AIG1: variants seen among roughly 807,000 people sequenced by gnomAD.
AIG1 encodes the protein androgen-induced gene 1 protein.
In AIG1, 23 loss-of-function variants were observed where a neutral mutation model predicts 31.4. The observed-to-expected ratio is 0.73, with a 90% CI of 0.53 to 1.04. AIG1 has a LOEUF of 1.04. AIG1 is among the 50% of genes least tolerant of loss of function. The probability of loss-of-function intolerance (pLI) is 0.00; values close to 1 mark genes in which losing one functional copy is unlikely to be tolerated. For missense variants in AIG1, 274 were observed against 295.0 expected, an observed-to-expected ratio of 0.93 and a Z score of 0.52; for synonymous variants, 100 against 110.5, an observed-to-expected ratio of 0.90 and a Z score of 0.60.
chr6:143,341,773 C>T (rs969872900), downstream of AIG1, among the ~76,000 whole-genome samples: 3 of 152,278 alleles, frequency 2.0e-5, no homozygotes, highest in Admixed American at 6.5e-5. Flanking sequence ...CAAATTAATA[C>T]GAACTGTGTA....
At position 143,135,279 on chromosome 6, in the gene AIG1, C is replaced by G. The variant is rs556946336; in HGVS notation, c.142-1556C>G. Among the ~76,000 whole-genome samples the G allele has an allele frequency of 6.5e-4, 99 of 152,126 alleles. 1 individual carries two copies. In the South Asian group the frequency reaches 0.019, roughly 30 times the overall value. On this transcript the variant is annotated intron_variant, in intron 1 of 5. Transcript: ENST00000357847. ...ATTATTCTCCTCTGGTAGGGTCACT[C>G]CAGTTTAATCAAACTCCATTAGGGC...
downstream of AIG1, among the ~76,000 whole-genome samples, chr6:143,343,864 A>G (rs1777904612): frequency 2.0e-5 from 3 of 152,292 alleles, no homozygotes; most frequent in South Asian, 4.1e-4. Flanking sequence ...TTTAATAAAT[A>G]AACAACAAAT....
At chr6:143,315,979 T>G (rs528391742) in intron 4 of AIG1, among the ~76,000 whole-genome samples, 1 of 152,184 alleles carries the variant, frequency 6.6e-6, no homozygotes, top group African/African-American at 2.4e-5. Flanking sequence ...AATCAGATGA[T>G]AATACATAAA....
chr6:143,130,820 C>T (rs1477137109), intron 1 of AIG1, among the ~76,000 whole-genome samples: 1 of 152,104 alleles, frequency 6.6e-6, no homozygotes, highest in Non-Finnish European at 1.5e-5. Flanking sequence ...GTTTCATCAC[C>T]CAGGTATTAG....
At chr6:143,220,794 A>G (rs1792430932) in intron 3 of AIG1, among the ~76,000 whole-genome samples, 1 of 152,222 alleles carries the variant, frequency 6.6e-6, no homozygotes, top group South Asian at 2.1e-4. Context: ...CTCAGCTGGC[A>G]GCACATTTAT....
chr6:143,184,479 A>G (rs1789039969), intron 3 of AIG1, among the ~76,000 whole-genome samples: 1 of 152,128 alleles, frequency 6.6e-6, no homozygotes, highest in African/African-American at 2.4e-5. Context: ...CCCCTCCTTT[A>G]AATCTTGTTA....
chr6:143,122,449 T>C (rs1330263451), intron 1 of AIG1, among the ~76,000 whole-genome samples: 2 of 152,186 alleles, frequency 1.3e-5, no homozygotes, highest in African/African-American at 4.8e-5. Flanking sequence ...TTAATGTAAC[T>C]CAACAGAAAA....
chr6:143,154,595 G>A (rs533047702), intron 2 of AIG1, among the ~76,000 whole-genome samples: 24 of 152,294 alleles, frequency 1.6e-4, no homozygotes, highest in African/African-American at 2.2e-4. Context: ...GCAGGCAGTC[G>A]TGATACAAAT....
At position 143,330,118 on chromosome 6, in the gene AIG1, A is replaced by G. The variant is rs1440460751; in HGVS notation, c.516-3164A>G. ...ATTCCTTCATTAGATTATTAATTCA[A>G]CAAATAGTTATTGAGTGCATACTCT... On this transcript the variant is annotated intron_variant, in intron 4 of 5. Coordinates refer to ENST00000357847, the MANE Select transcript of AIG1 (RefSeq NM_016108.4). The surrounding 1 kb of genome is among the most constrained non-coding windows in gnomAD (Gnocchi z 4.4). Among the ~76,000 whole-genome samples the G allele has an allele frequency of 6.6e-6, 1 of 152,216 alleles. No individual in the cohort carries two copies. The highest frequency in any genetic ancestry group is 1.5e-5 in the Non-Finnish European group (1 of 68,038).
intron 3 of AIG1, among the ~76,000 whole-genome samples, chr6:143,204,308 G>A (rs1790935493): frequency 6.6e-6 from 1 of 152,118 alleles, no homozygotes; most frequent in South Asian, 2.1e-4. Flanking sequence ...TGCCCTTGGT[G>A]GGAATGGCTG....
intron 3 of AIG1, chr6:143,189,899 A>C: frequency 1.2e-6 from 1 of 861,228 alleles, no homozygotes. Context: ...TATTTATCAT[A>C]GTTCTAGAGC....
intron 1 of AIG1, among the ~76,000 whole-genome samples, chr6:143,110,592 A>G: frequency 6.6e-6 from 1 of 152,154 alleles, no homozygotes; most frequent in East Asian, 1.9e-4. Context: ...TAAAAGCAAA[A>G]TCTTCCTTTA....
intron 1 of AIG1, among the ~76,000 whole-genome samples, chr6:143,122,342 T>G (rs1477520928): frequency 6.6e-6 from 1 of 152,194 alleles, no homozygotes; most frequent in Non-Finnish European, 1.5e-5. Context: ...TGTACAACTT[T>G]GACTATTGAT....
intron 2 of AIG1, among the ~76,000 whole-genome samples, chr6:143,144,450 G>C (rs1784550120): frequency 6.6e-6 from 1 of 152,146 alleles, no homozygotes; most frequent in African/African-American, 2.4e-5. Context: ...TAATACATGT[G>C]TTTAAGGTGC....
chr6:143,060,908 T>C lies in AIG1; in HGVS notation c.-18T>C. On this transcript the variant is annotated 5_prime_UTR_variant, in exon 1 of 6. Transcript: ENST00000357847. Reference sequence around the variant, plus strand: ...CCCGCCCTCCTTGCCGCCCAGCCGGTCCAGGCCTCTGGCGAACATGGCGCT... The same window carrying C: ...CCCGCCCTCCTTGCCGCCCAGCCGGCCCAGGCCTCTGGCGAACATGGCGCT... 6.3e-7 allele frequency: 1 copy of C among 1,589,164 alleles called. No homozygotes were observed. The highest frequency in any genetic ancestry group is 1.9e-4 in the Middle Eastern group (1 of 5,358).
In AIG1 at chr6:143,177,828, G is replaced by A. The variant is rs549301710; in HGVS notation, c.399+12645G>A. Among the ~76,000 whole-genome samples the A allele has an allele frequency of 2.6e-5, 4 of 152,336 alleles. No individual in the cohort carries two copies. In the East Asian group the frequency reaches 7.7e-4, roughly 29 times the overall value. Reference sequence around the variant, plus strand: ...GGACAGCTGGTCCTTGGGTCCCTGAGGGATGCACTTGAGCATGAAACCGAT... The same window carrying A: ...GGACAGCTGGTCCTTGGGTCCCTGAAGGATGCACTTGAGCATGAAACCGAT... On this transcript the variant is annotated intron_variant, in intron 3 of 5. Transcript: ENST00000357847.
At chr6:143,277,266 CA>C (rs1186949098) in intron 3 of AIG1, among the ~76,000 whole-genome samples, 1 of 152,100 alleles carries the variant, frequency 6.6e-6, no homozygotes, top group Non-Finnish European at 1.5e-5. Flanking sequence ...ATTCGAGTTA[CA>C]ATCTAGAGTG....
In AIG1 at chr6:143,292,632, GTGT is replaced by G. The variant is rs1474837974; in HGVS notation, c.515+8412_515+8414del. 6.6e-6 allele frequency among the ~76,000 whole-genome samples: 1 copy of G among 152,202 alleles called. No individual in the cohort carries two copies. Among genetic ancestry groups the G allele is most frequent in the African/African-American group, 2.4e-5 (1 of 41,442 alleles). On this transcript the variant is annotated intron_variant, in intron 4 of 5. Transcript: ENST00000357847. The surrounding 1 kb of genome is among the most constrained non-coding windows in gnomAD (Gnocchi z 4.9). ...ACCTGTAGAATTCTCCGATGAATAT[GTGT>G]TGTTTTAAGCCACAAGTCTGTGGCA...
intron 3 of AIG1, among the ~76,000 whole-genome samples, chr6:143,264,344 G>T (rs1383129665): frequency 6.6e-6 from 1 of 152,120 alleles, no homozygotes; most frequent in African/African-American, 2.4e-5. Context: ...AACTTGTGGG[G>T]CAGTGGGAAC....
Sources: gnomAD v4.1 joint callset for allele counts (sites outside exome capture counted in the v4.1 genomes callset) on GRCh38, gnomAD v4.1.1 for gene constraint, Gnocchi (gnomAD v3.1) non-coding constraint, MANE v1.5 for transcripts, NCBI Gene and HGNC (gene_info 2026-07-23, HGNC 2026-07-21) for gene names.